The following ZNF385D variants were observed in gnomAD, a reference collection of about 807,000 sequenced individuals.
ZNF385D encodes zinc finger protein 659.
Under a neutral mutation model 35.8 loss-of-function variants are expected in ZNF385D, and 15 were observed. The observed-to-expected ratio is 0.42, with a 90% confidence interval of 0.28 to 0.64. The LOEUF (loss-of-function observed/expected upper bound fraction) is 0.64, where lower values mean the gene tolerates loss of function less well. ZNF385D is among the 30% of genes least tolerant of loss of function. ZNF385D has a pLI of 0.23. For missense variants in ZNF385D, 474 were observed against 494.6 expected (o/e 0.96, Z 0.39); for synonymous variants, 212 against 186.8 (o/e 1.13, Z -1.10).
At position 22,061,002 on chromosome 3, in the gene ZNF385D, A is replaced by G. The variant is rs118043140; in HGVS notation, c.325+107815T>C. Among the ~76,000 whole-genome samples, 578 of 152,262 alleles carry G rather than the reference A, an allele frequency of 3.8e-3. 7 individuals are homozygous for G. Among genetic ancestry groups the G allele is most frequent in the East Asian group, 0.034 (175 of 5,178 alleles). On this transcript the variant is annotated intron_variant, in intron 3 of 5. Coordinates refer to the ZNF385D transcript ENST00000494108. Reference sequence around the variant, plus strand: ...TAAATAACTGTTAAATAAATGTATAATAACTTGATAATCATGGATATTTAA... The same window carrying G: ...TAAATAACTGTTAAATAAATGTATAGTAACTTGATAATCATGGATATTTAA...
intron 3 of ZNF385D, among the ~76,000 whole-genome samples, chr3:22,123,415 A>G (rs1527632): frequency 0.92 from 139,812 of 152,242 alleles, 64,359 homozygotes; most frequent in African/African-American, 0.98. Flanking sequence ...ATATATTTAT[A>G]AAATATTTTG....
intron 2 of ZNF385D, among the ~76,000 whole-genome samples, chr3:22,231,434 A>C (rs567690516): frequency 2.6e-5 from 4 of 152,264 alleles, no homozygotes; most frequent in Admixed American, 2.0e-4. Flanking sequence ...TGCCTCGCTC[A>C]AGTTAGTTTA....
At chr3:22,126,014 A>T (rs968632722) in intron 3 of ZNF385D, among the ~76,000 whole-genome samples, 4 of 152,042 alleles carry the variant, frequency 2.6e-5, no homozygotes, top group Non-Finnish European at 4.4e-5. Context: ...AAAGCTTTTA[A>T]TTTTTTTCCA....
At chr3:21,732,852 G>T (rs1417454244) in intron 1 of ZNF385D, among the ~76,000 whole-genome samples, 1 of 152,098 alleles carries the variant, frequency 6.6e-6, no homozygotes, top group Non-Finnish European at 1.5e-5. Context: ...TGACTCTTAT[G>T]CTCTTTGTAG....
At chr3:21,501,245 C>T (rs1378418193) in intron 4 of ZNF385D, among the ~76,000 whole-genome samples, 1 of 152,128 alleles carries the variant, frequency 6.6e-6, no homozygotes, top group Non-Finnish European at 1.5e-5. Flanking sequence ...CTTCCTTCTG[C>T]CGTCTTCCTT....
intron 3 of ZNF385D, among the ~76,000 whole-genome samples, chr3:22,166,329 G>A (rs1217241882): frequency 6.6e-6 from 1 of 152,062 alleles, no homozygotes; most frequent in Non-Finnish European, 1.5e-5. Flanking sequence ...AAGAATTTGA[G>A]GAATATATTA....
intron 3 of ZNF385D, among the ~76,000 whole-genome samples, chr3:21,981,215 C>A (rs1382537436): frequency 1.3e-5 from 2 of 152,122 alleles, no homozygotes; most frequent in Admixed American, 6.6e-5. Context: ...TTTTCTGCAA[C>A]CTCACAAGCA....
intron 3 of ZNF385D, among the ~76,000 whole-genome samples, chr3:21,884,755 C>T (rs1285764406): frequency 2.0e-5 from 3 of 151,908 alleles, no homozygotes; most frequent in Non-Finnish European, 2.9e-5. Flanking sequence ...AGCTCCAGAT[C>T]CAGTGACATT....
intron 4 of ZNF385D, among the ~76,000 whole-genome samples, chr3:21,462,649 A>T (rs533206262): frequency 6.6e-6 from 1 of 152,332 alleles, no homozygotes; most frequent in East Asian, 1.9e-4. Flanking sequence ...TATACAAGGC[A>T]ACAGTAAAAT....
chr3:21,988,878 G>A (rs1256520227), intron 3 of ZNF385D, among the ~76,000 whole-genome samples: 2 of 152,204 alleles, frequency 1.3e-5, no homozygotes, highest in Admixed American at 6.5e-5. Flanking sequence ...GTGGTGCGCC[G>A]TTTTTTAAGC....
At chr3:21,986,668 T>C (rs1165314225) in intron 3 of ZNF385D, among the ~76,000 whole-genome samples, 3 of 141,484 alleles carry the variant, frequency 2.1e-5, no homozygotes, top group Admixed American at 6.9e-5. Context: ...GAGAGTTCTG[T>C]AGATGTCTAT....
intron 3 of ZNF385D, among the ~76,000 whole-genome samples, chr3:21,772,861 G>A (rs1039123799): frequency 6.6e-6 from 1 of 151,850 alleles, no homozygotes; most frequent in Non-Finnish European, 1.5e-5. Context: ...TATGCACAAT[G>A]GAATATCATT....
intron 3 of ZNF385D, among the ~76,000 whole-genome samples, chr3:21,868,942 CAT>C (rs979064236): frequency 7.2e-5 from 11 of 152,026 alleles, no homozygotes; most frequent in Non-Finnish European, 1.2e-4. Context: ...TATGCTCTCT[CAT>C]ATTCTACAGA....
chr3:22,292,522 G>A (rs1042460687), intron 2 of ZNF385D, among the ~76,000 whole-genome samples: 9 of 152,186 alleles, frequency 5.9e-5, no homozygotes, highest in African/African-American at 2.2e-4. Flanking sequence ...CTAGAACTAT[G>A]TGAGAGATTT....
At position 21,414,262 on chromosome 3, in the gene ZNF385D, G is replaced by T. The variant is rs567262439; in HGVS notation, c.*6952C>A. 3.3e-5 allele frequency: 5 copies of T among 152,086 alleles called. No homozygotes were observed. The South Asian group carries it at 1.0e-3, about 32-fold the overall frequency. The allele number at this position is 152,086 out of a possible 1,614,324, so 9.4% of individuals were successfully genotyped here. On this transcript the variant is annotated 3_prime_UTR_variant, in exon 8 of 8. Coordinates refer to ENST00000281523, the MANE Select transcript of ZNF385D (RefSeq NM_024697.3). ...GAGACCTTAGTTGAAACTGACATAA[G>T]ATTTTTGCTGATAAAATAAATGAAA...
At chr3:21,642,228 A>C (rs1243174782) in intron 2 of ZNF385D, among the ~76,000 whole-genome samples, 7 of 151,992 alleles carry the variant, frequency 4.6e-5, no homozygotes, top group Admixed American at 2.6e-4. Flanking sequence ...CATCCAAAAA[A>C]CGCTTTGCAT....
chr3:21,592,339 GATTT>G lies in ZNF385D; in HGVS notation c.166-27659_166-27656del, dbSNP rs369367099. Among the ~76,000 whole-genome samples, 52 of 151,988 alleles carry G rather than the reference GATTT, an allele frequency of 3.4e-4. No individual in the cohort carries two copies. The South Asian group carries it at 0.01, about 30-fold the overall frequency. On this transcript the variant is annotated intron_variant, in intron 2 of 7. Transcript: ENST00000281523. ...TATTCCATCTGTATTCCAATCTGATGATTTATTTATCTATTGTGATTTAGTATTC... is the reference window on the plus strand; with the variant it reads ...TATTCCATCTGTATTCCAATCTGATGATTTATCTATTGTGATTTAGTATTC...
chr3:21,803,886 T>G (rs939370490), intron 3 of ZNF385D, among the ~76,000 whole-genome samples: 6 of 152,228 alleles, frequency 3.9e-5, no homozygotes, highest in African/African-American at 1.4e-4. Context: ...ATTGCTCATT[T>G]TGGAACTGCA....
chr3:21,621,491 G>T (rs920423166), intron 2 of ZNF385D, among the ~76,000 whole-genome samples: 2 of 151,498 alleles, frequency 1.3e-5, no homozygotes, highest in Non-Finnish European at 2.9e-5. Context: ...AATTCAGGTT[G>T]TTGACAAGGC....
Sources: allele counts gnomAD v4.1 joint callset (sites outside exome capture counted in the v4.1 genomes callset), GRCh38; gene constraint gnomAD v4.1.1; transcripts MANE v1.5; gene names NCBI Gene and HGNC (gene_info 2026-07-23, HGNC 2026-07-21).